CCSER1: variants seen among roughly 807,000 people sequenced by gnomAD.
CCSER1 encodes the protein serine-rich coiled-coil domain-containing protein 1.
CCSER1 carries 41 observed loss-of-function variants against 82.0 expected under a neutral mutation model. The ratio of observed to expected loss-of-function variants is 0.50; its 90% CI spans 0.39 to 0.65. The LOEUF (loss-of-function observed/expected upper bound fraction) is 0.65. Among genes scored for constraint, CCSER1 ranks in the 30% least tolerant of loss-of-function variants. The probability of loss-of-function intolerance (pLI) is 0.00; values close to 1 mark genes in which losing one functional copy is unlikely to be tolerated. For synonymous variants in CCSER1, 414 were observed against 383.9 expected (o/e 1.08, Z -0.92); for missense variants, 1,119 against 1,064.2 (o/e 1.05, Z -0.72).
intron 1 of CCSER1, among the ~76,000 whole-genome samples, chr4:90,258,922 C>A (rs960116919): frequency 1.3e-5 from 2 of 152,098 alleles, no homozygotes; most frequent in African/African-American, 4.8e-5. Context: ...TGTGATACCT[C>A]CAGATTTGTT....
chr4:90,188,869 A>G (rs1735111740), intron 1 of CCSER1, among the ~76,000 whole-genome samples: 1 of 152,026 alleles, frequency 6.6e-6, no homozygotes, highest in Admixed American at 6.6e-5. Flanking sequence ...AAGAATTAGG[A>G]TAGGAGACTA....
chr4:90,222,278 A>G (rs543925197), intron 1 of CCSER1, among the ~76,000 whole-genome samples: 1 of 152,292 alleles, frequency 6.6e-6, no homozygotes, highest in South Asian at 2.1e-4. Flanking sequence ...AATAATTATA[A>G]TTTAAAATAT....
intron 3 of CCSER1, among the ~76,000 whole-genome samples, chr4:90,377,993 T>A (rs1748631562): frequency 6.6e-6 from 1 of 152,182 alleles, no homozygotes; most frequent in Non-Finnish European, 1.5e-5. Context: ...TAGTTTTTAT[T>A]TCTTCCCTGT....
chr4:90,467,053 A>G (rs1432964467), intron 4 of CCSER1, among the ~76,000 whole-genome samples: 3 of 152,196 alleles, frequency 2.0e-5, no homozygotes, highest in Non-Finnish European at 4.4e-5. Context: ...ACATAGATGA[A>G]TCTTATAATC....
At chr4:90,337,830 A>G (rs1740692955) in intron 3 of CCSER1, among the ~76,000 whole-genome samples, 1 of 152,160 alleles carries the variant, frequency 6.6e-6, no homozygotes, top group African/African-American at 2.4e-5. Flanking sequence ...ATTTTCCCAA[A>G]CAAAAAAAAT....
At chr4:90,133,920 T>G in intron 1 of CCSER1, among the ~76,000 whole-genome samples, 1 of 152,220 alleles carries the variant, frequency 6.6e-6, no homozygotes. Context: ...GCCTTCATTC[T>G]GAGAATGTTT....
intron 10 of CCSER1, among the ~76,000 whole-genome samples, chr4:91,481,907 A>G (rs1259165389): frequency 6.6e-6 from 1 of 152,156 alleles, no homozygotes; most frequent in African/African-American, 2.4e-5. Context: ...GAATTTACAA[A>G]GAACTCAAAC....
At chr4:91,203,891 TA>T (rs1008357650) in intron 10 of CCSER1, among the ~76,000 whole-genome samples, 7 of 151,930 alleles carry the variant, frequency 4.6e-5, no homozygotes, top group Non-Finnish European at 8.8e-5. Flanking sequence ...TGATTAGTAG[TA>T]AAAGATTAGT....
chr4:90,367,218 T>C (rs925249694), intron 3 of CCSER1, among the ~76,000 whole-genome samples: 8 of 139,186 alleles, frequency 5.7e-5, no homozygotes, highest in African/African-American at 2.4e-4. Flanking sequence ...ATGACAAATA[T>C]TCTGTTCTGG....
At chr4:90,601,641 CT>C (rs139381288) in intron 5 of CCSER1, among the ~76,000 whole-genome samples, 182 of 143,726 alleles carry the variant, frequency 1.3e-3, no homozygotes, top group Middle Eastern at 3.7e-3. Context: ...AGCTGGATGG[CT>C]TTTTTTTTTT....
At chr4:90,347,594 A>G (rs1390671197) in intron 3 of CCSER1, among the ~76,000 whole-genome samples, 5 of 152,144 alleles carry the variant, frequency 3.3e-5, no homozygotes, top group Non-Finnish European at 7.4e-5. Context: ...CAGCATGTGC[A>G]TGCTGAATAT....
intron 7 of CCSER1, among the ~76,000 whole-genome samples, chr4:90,784,204 C>A (rs1008789232): frequency 2.0e-5 from 3 of 152,110 alleles, no homozygotes; most frequent in Non-Finnish European, 2.9e-5. Context: ...CTCAACCTTG[C>A]CCATACTGTT....
At chr4:90,285,688 G>C (rs1729748216) in intron 1 of CCSER1, among the ~76,000 whole-genome samples, 1 of 151,942 alleles carries the variant, frequency 6.6e-6, no homozygotes, top group Non-Finnish European at 1.5e-5. Context: ...TTTAATAAAA[G>C]TGATGAAAGC....
chr4:91,375,478 TGAAAG>T (rs1019472426), intron 10 of CCSER1, among the ~76,000 whole-genome samples: 3 of 151,738 alleles, frequency 2.0e-5, no homozygotes, highest in African/African-American at 7.3e-5. Flanking sequence ...AAATTTTTCA[TGAAAG>T]GAAGTGTCAA....
chr4:91,215,778 A>G (rs1333006603), intron 10 of CCSER1, among the ~76,000 whole-genome samples: 1 of 152,196 alleles, frequency 6.6e-6, no homozygotes, highest in African/African-American at 2.4e-5. Context: ...ATTGACACTC[A>G]ATATCAACCA....
intron 10 of CCSER1, among the ~76,000 whole-genome samples, chr4:91,312,026 T>C (rs534837791): frequency 1.5e-3 from 230 of 151,952 alleles, no homozygotes; most frequent in African/African-American, 5.2e-3. Context: ...TTTTAAAATA[T>C]AGAAAAGCTA....
chr4:91,498,505 G>C (rs1759046070), intron 10 of CCSER1, among the ~76,000 whole-genome samples: 1 of 150,688 alleles, frequency 6.6e-6, no homozygotes, highest in South Asian at 2.1e-4. Flanking sequence ...ACATTTTTCT[G>C]CACTTCTCTT....
At chr4:91,297,385 A>ATG (rs57164334) in intron 10 of CCSER1, among the ~76,000 whole-genome samples, 6,602 of 117,884 alleles carry the variant, frequency 0.056, 149 homozygotes, top group Admixed American at 0.091. Context: ...GTGTGTGTGT[A>ATG]TGTGTGTGTG....
At chr4:90,245,951 A>G (rs1721334239) in intron 1 of CCSER1, among the ~76,000 whole-genome samples, 1 of 152,200 alleles carries the variant, frequency 6.6e-6, no homozygotes, top group African/African-American at 2.4e-5. Context: ...ATAACTATAA[A>G]TGGAAATTAG....
Sources: gnomAD v4.1 joint callset for allele counts (sites outside exome capture counted in the v4.1 genomes callset) on GRCh38, gnomAD v4.1.1 for gene constraint, MANE v1.5 for transcripts, NCBI Gene and HGNC (gene_info 2026-07-23, HGNC 2026-07-21) for gene names.